The following ZBTB20 variants were observed in gnomAD, a reference collection of about 807,000 sequenced individuals.
ZBTB20 encodes the protein zinc finger and BTB domain-containing protein 20.
In ZBTB20, 9 loss-of-function variants were observed where a neutral mutation model predicts 56.9. The ratio of observed to expected loss-of-function variants is 0.16; its 90% CI spans 0.10 to 0.28. The LOEUF is 0.28. ZBTB20 is among the 10% of genes least tolerant of loss of function. The probability of loss-of-function intolerance (pLI) is 1.00; values close to 1 mark genes in which losing one functional copy is unlikely to be tolerated. For synonymous variants in ZBTB20, 417 were observed against 420.7 expected (o/e 0.99, Z 0.11); for missense variants, 655 against 1,003.0 (o/e 0.65, Z 4.69).
At chr3:114,801,649 C>A (rs574527028) in intron 4 of ZBTB20, among the ~76,000 whole-genome samples, 1 of 151,954 alleles carries the variant, frequency 6.6e-6, no homozygotes, top group South Asian at 2.1e-4. Context: ...AATGCTAGAT[C>A]TCCTACTTTC....
chr3:114,967,501 A>T (rs2077692539), intron 3 of ZBTB20, among the ~76,000 whole-genome samples: 1 of 152,018 alleles, frequency 6.6e-6, no homozygotes. Flanking sequence ...ATTCTCCCAC[A>T]CCATGCTACT....
chr3:114,748,334 C>CTTTCTT (rs762103705), intron 5 of ZBTB20, among the ~76,000 whole-genome samples: 1 of 57,164 alleles, frequency 1.7e-5, no homozygotes, highest in African/African-American at 6.0e-5. Flanking sequence ...TTCTTTCTTT[C>CTTTCTT]TTCTTTCTTT....
intron 8 of ZBTB20, among the ~76,000 whole-genome samples, chr3:114,384,067 C>T (rs2084732549): frequency 6.6e-6 from 1 of 151,098 alleles, no homozygotes; most frequent in Non-Finnish European, 1.5e-5. Context: ...TTGCCAGGCT[C>T]TGGCCTCTCA....
intron 3 of ZBTB20, among the ~76,000 whole-genome samples, chr3:114,941,856 G>A (rs1307908332): frequency 6.9e-6 from 1 of 145,924 alleles, no homozygotes; most frequent in Non-Finnish European, 1.5e-5. Context: ...ATATTTATCT[G>A]CTGATGCTTG....
intron 2 of ZBTB20, among the ~76,000 whole-genome samples, chr3:115,046,114 T>A (rs1269707228): frequency 6.6e-6 from 1 of 152,178 alleles, no homozygotes; most frequent in Non-Finnish European, 1.5e-5. Context: ...TAATACTGAA[T>A]TCGAGATGGC....
chr3:114,884,244 A>T (rs1312397349), intron 4 of ZBTB20, among the ~76,000 whole-genome samples: 1 of 152,124 alleles, frequency 6.6e-6, no homozygotes, highest in East Asian at 1.9e-4. Flanking sequence ...TTAATCACAC[A>T]CCATAGGTAC....
intron 6 of ZBTB20, among the ~76,000 whole-genome samples, chr3:114,581,613 C>T (rs542331546): frequency 1.3e-5 from 2 of 150,802 alleles, no homozygotes; most frequent in East Asian, 3.9e-4. Context: ...AACAACAGCA[C>T]AACAAATAAC....
intron 7 of ZBTB20, among the ~76,000 whole-genome samples, chr3:114,460,421 G>A (rs2092278253): frequency 6.6e-6 from 1 of 152,114 alleles, no homozygotes; most frequent in African/African-American, 2.4e-5. Context: ...GATTTTCTAG[G>A]TGGACTCTAA....
At chr3:114,765,259 T>C (rs932844632) in intron 5 of ZBTB20, among the ~76,000 whole-genome samples, 2 of 152,156 alleles carry the variant, frequency 1.3e-5, no homozygotes, top group African/African-American at 4.8e-5. Flanking sequence ...TAACCCCAAG[T>C]ATCTCAGAAA....
chr3:114,386,190 A>G (rs1003018254), intron 8 of ZBTB20, among the ~76,000 whole-genome samples: 3 of 152,200 alleles, frequency 2.0e-5, no homozygotes, highest in Non-Finnish European at 4.4e-5. Flanking sequence ...TTTTCTTGCA[A>G]TTTATCATTT....
chr3:114,603,173 A>C (rs2056888238), intron 6 of ZBTB20, among the ~76,000 whole-genome samples: 1 of 152,046 alleles, frequency 6.6e-6, no homozygotes, highest in Non-Finnish European at 1.5e-5. Context: ...AGAGCAACAC[A>C]GAAAGAGGAA....
At chr3:114,375,096 C>G (rs1373981240) in intron 10 of ZBTB20, among the ~76,000 whole-genome samples, 3 of 152,152 alleles carry the variant, frequency 2.0e-5, no homozygotes. Flanking sequence ...CATATGCAAC[C>G]AAACTGAACA....
chr3:114,951,992 CAAT>C (rs1257414855), intron 3 of ZBTB20, among the ~76,000 whole-genome samples: 2 of 151,788 alleles, frequency 1.3e-5, no homozygotes, highest in East Asian at 1.9e-4. Flanking sequence ...AGAAAACAGT[CAAT>C]AAACTTTAAG....
Position 114,679,511 on chromosome 3 carries a change from C to T in ZBTB20, c.-295+14017G>A, listed in dbSNP as rs1033646778. 7.2e-5 allele frequency among the ~76,000 whole-genome samples: 11 copies of T among 151,828 alleles called. No individual in the cohort carries two copies. The East Asian group carries it at 7.7e-4, about 11-fold the overall frequency. ...CACGTCTCAAAAGAAGATAATTATG[C>T]GGCCAAAAAACATATGAAAAAAACC... On this transcript the variant is annotated intron_variant, in intron 6 of 11. Transcript: ENST00000675478.
intron 11 of ZBTB20, among the ~76,000 whole-genome samples, chr3:114,344,058 A>C (rs2079997800): frequency 6.6e-6 from 1 of 151,988 alleles, no homozygotes; most frequent in Non-Finnish European, 1.5e-5. Flanking sequence ...CAAAAAAAAA[A>C]TGGGGGGCCC....
intron 6 of ZBTB20, among the ~76,000 whole-genome samples, chr3:114,685,486 G>C (rs2062275593): frequency 6.6e-6 from 1 of 152,202 alleles, no homozygotes; most frequent in African/African-American, 2.4e-5. Flanking sequence ...CACTCTTGTA[G>C]CTCTGCTACG....
intron 4 of ZBTB20, among the ~76,000 whole-genome samples, chr3:114,820,723 C>T (rs1013342894): frequency 6.6e-6 from 1 of 151,980 alleles, no homozygotes; most frequent in African/African-American, 2.4e-5. Flanking sequence ...GCATAAAGAA[C>T]ATCTATTGAG....
rs1191705975 is a variant in ZBTB20 at position 114,491,326 on chromosome 3, C to A, written c.-255+9026G>T. On this transcript the variant is annotated intron_variant, in intron 7 of 11. Coordinates refer to ENST00000675478, the MANE Select transcript of ZBTB20 (RefSeq NM_001348800.3). ...CATCAACCCACCAGACTCACCTGCA[C>A]CTTCCACACTGCCAAGGAGAGTCCT... 2.6e-5 allele frequency among the ~76,000 whole-genome samples: 4 copies of A among 152,200 alleles called. No homozygotes were observed. In the East Asian group the frequency reaches 7.7e-4, roughly 29 times the overall value.
At chr3:114,423,013 T>C (rs892823994) in intron 7 of ZBTB20, among the ~76,000 whole-genome samples, 1 of 152,200 alleles carries the variant, frequency 6.6e-6, no homozygotes, top group African/African-American at 2.4e-5. Flanking sequence ...GGCCTAGCTC[T>C]ACCCATGTTC....
Sources: allele counts gnomAD v4.1 joint callset (sites outside exome capture counted in the v4.1 genomes callset), GRCh38; gene constraint gnomAD v4.1.1; transcripts MANE v1.5; gene names NCBI Gene and HGNC (gene_info 2026-07-23, HGNC 2026-07-21).